PCYOX1: variants seen among roughly 807,000 people sequenced by gnomAD.
PCYOX1 encodes the protein prenylcysteine lyase.
A neutral mutation model predicts 46.4 loss-of-function variants in PCYOX1; 46 were observed. That is an observed-to-expected ratio of 0.99 (90% CI 0.78 to 1.27). The LOEUF (loss-of-function observed/expected upper bound fraction) is 1.27. PCYOX1 is among the 50% of genes most tolerant of loss of function. The pLI is 0.00. For missense variants in PCYOX1, 658 were observed against 628.3 expected (o/e 1.05, Z -0.51); for synonymous variants, 220 against 231.8 (o/e 0.95, Z 0.46).
chr2:70,261,927 C>T (rs1696446194), intron 3 of PCYOX1, among the ~76,000 whole-genome samples: 1 of 152,128 alleles, frequency 6.6e-6, no homozygotes, highest in Admixed American at 6.6e-5. Context: ...GAACCAGCAG[C>T]CTGAAGTAGA....
At chr2:70,261,174 AGAC>A in intron 2 of PCYOX1, 35 bp from the exon 3 acceptor site, 1 of 1,455,406 alleles carries the variant, frequency 6.9e-7, no homozygotes, top group Non-Finnish European at 9.6e-7. Context: ...TGATCAGCAT[AGAC>A]ACCACTGACT....
At chr2:70,260,999 T>TA (rs1412269576) in intron 2 of PCYOX1, among the ~76,000 whole-genome samples, 1 of 152,228 alleles carries the variant, frequency 6.6e-6, no homozygotes, top group Non-Finnish European at 1.5e-5. Context: ...CTACTTTTGA[T>TA]ATATTAATAT....
In PCYOX1 at chr2:70,277,184, C is replaced by G; in HGVS notation, c.1310C>G (p.Pro437Arg). Residue 437 changes from proline (P) to arginine (R), a missense_variant, in exon 6 of 6, where the codon CCT becomes CGT. Coordinates refer to ENST00000433351, the MANE Select transcript of PCYOX1 (RefSeq NM_016297.4). The stretch of plus-strand genomic sequence containing the variant: ...GTGAAGAAGCCATGGCTTGCATATC[C>G]TCACTATAAGCCCCCGGAGAAATGC... ...YAVKKPWLAY[P>R]HYKPPEKCPS... The G allele has an allele frequency of 5.6e-6, 9 of 1,613,980 alleles. No individual in the cohort carries two copies. The highest frequency in any genetic ancestry group is 7.6e-6 in the Non-Finnish European group (9 of 1,179,882).
intron 1 of PCYOX1, 68 bp downstream of exon 1, chr2:70,258,344 T>C (rs1696378855): frequency 2.0e-6 from 2 of 1,016,970 alleles, no homozygotes. Context: ...CGCTGCGCAG[T>C]GCGCCCAGAT....
intron 3 of PCYOX1, among the ~76,000 whole-genome samples, chr2:70,264,218 G>A (rs1051141817): frequency 1.3e-5 from 2 of 151,830 alleles, no homozygotes; most frequent in East Asian, 1.9e-4. Flanking sequence ...ACTCACCTGG[G>A]CCTCCCAAAG....
intron 5 of PCYOX1, among the ~76,000 whole-genome samples, chr2:70,276,277 C>A (rs975469950): frequency 2.0e-5 from 3 of 151,758 alleles, no homozygotes; most frequent in Non-Finnish European, 4.4e-5. Context: ...TCACGCCATT[C>A]TCCTGCCTCA....
chr2:70,265,274 C>T (rs1228235038), intron 3 of PCYOX1, among the ~76,000 whole-genome samples: 1 of 147,736 alleles, frequency 6.8e-6, no homozygotes, highest in African/African-American at 2.5e-5. Flanking sequence ...GCAATCACAG[C>T]TCACTGCAGC....
At position 70,261,249 on chromosome 2, in the gene PCYOX1, G is replaced by GAT; in HGVS notation, c.363_364dup (p.Asn122IlefsTer15). 1 of 1,612,004 alleles carries GAT rather than the reference G, an allele frequency of 6.2e-7. No homozygotes were observed. Among genetic ancestry groups the GAT allele is most frequent in the East Asian group, 2.2e-5 (1 of 44,880 alleles). ...TTCAGGCCTCTGGTGGCCTACTGGG[G>GAT]ATATATAATGGAGAGACTCTGGTAT... On this transcript the variant is annotated frameshift_variant, in exon 3 of 6. Transcript: ENST00000433351. LOFTEE classifies it high-confidence loss of function.
chr2:70,275,454 TGGGTAGAGAGCC>T lies in PCYOX1; in HGVS notation c.707-59_707-48del, dbSNP rs1696657147. 7 of 1,523,738 alleles carry T rather than the reference TGGGTAGAGAGCC, an allele frequency of 4.6e-6. No individual in the cohort carries two copies. In the South Asian group the frequency reaches 8.0e-5, roughly 17 times the overall value. The allele number at this position is 1,523,738 out of a possible 1,614,324, so 94.4% of individuals were successfully genotyped here. A position where few individuals can be genotyped will look rare whatever the true frequency, so the allele number is the denominator to read the frequency against. On this transcript the variant is annotated intron_variant, in intron 4 of 5. Transcript: ENST00000433351. ...AGAACATGTAATTGGGAAGGGAGAG[TGGGTAGAGAGCC>T]TCTTACAAAAAGTCAGAATTAAAAC...
chr2:70,273,048 C>T (rs1696622747), intron 3 of PCYOX1, among the ~76,000 whole-genome samples: 2 of 152,144 alleles, frequency 1.3e-5, no homozygotes, highest in Admixed American at 1.3e-4. Flanking sequence ...TTAGAGTGCT[C>T]TCTGTTTATA....
rs757347223 is a variant in PCYOX1, at chr2:70,276,856, A to G, written c.982A>G (p.Asn328Asp). ...AAAAATGTCGAATATTACTTTTCTC[A>G]ACTTTGATCCTCCAATTGAGGAATT... ...NRKMSNITFL[N>D]FDPPIEEFHQ... is the part of the protein sequence containing the mutation. Residue 328 changes from asparagine to aspartate, a missense_variant, in exon 6 of 6, where the codon AAC (asparagine) becomes GAC (aspartate). Physicochemically the swap from Asn to Asp is conservative, Grantham distance 23 (BLOSUM62 1). Transcript: ENST00000433351. 28 of 1,613,624 alleles carry G rather than the reference A, an allele frequency of 1.7e-5. No individual in the cohort carries two copies. The South Asian group carries it at 2.9e-4, about 16-fold the overall frequency.
At chr2:70,270,596 A>T (rs943184584) in intron 3 of PCYOX1, among the ~76,000 whole-genome samples, 1 of 152,122 alleles carries the variant, frequency 6.6e-6, no homozygotes, top group African/African-American at 2.4e-5. Flanking sequence ...CCTCTACCGG[A>T]AATATTTTCC....
chr2:70,267,726 C>A (rs1391805679), intron 3 of PCYOX1, among the ~76,000 whole-genome samples: 1 of 148,450 alleles, frequency 6.7e-6, no homozygotes, highest in Non-Finnish European at 1.5e-5. Context: ...TGCAGTGAGT[C>A]GAGATGGCAG....
chr2:70,278,246 C>T lies in PCYOX1; in HGVS notation c.*854C>T, dbSNP rs1020977794. 2 of 152,596 alleles carry T rather than the reference C, an allele frequency of 1.3e-5. No homozygotes were observed. Among genetic ancestry groups the T allele is most frequent in the Non-Finnish European group, 2.9e-5 (2 of 68,036 alleles). 9.5% of individuals were successfully genotyped at this position (152,596 alleles called of 1,614,324 possible). A position where few individuals can be genotyped will look rare whatever the true frequency, so the allele number is the denominator to read the frequency against. Reference sequence around the variant, plus strand: ...GAGCTTTTAAAAATACTGAGACCCCCCCATAACCAGAGATTCAGATTCAAA... The same window carrying T: ...GAGCTTTTAAAAATACTGAGACCCCTCCATAACCAGAGATTCAGATTCAAA... On this transcript the variant is annotated 3_prime_UTR_variant, in exon 6 of 6. Coordinates refer to ENST00000433351, the MANE Select transcript of PCYOX1 (RefSeq NM_016297.4).
intron 3 of PCYOX1, among the ~76,000 whole-genome samples, chr2:70,273,420 ATAC>A (rs1282704953): frequency 6.6e-6 from 1 of 152,166 alleles, no homozygotes; most frequent in Non-Finnish European, 1.5e-5. Flanking sequence ...TTGTACACTT[ATAC>A]TACTACTATG....
chr2:70,268,977 C>G (rs991211230), intron 3 of PCYOX1, among the ~76,000 whole-genome samples: 1 of 151,982 alleles, frequency 6.6e-6, no homozygotes, highest in Non-Finnish European at 1.5e-5. Context: ...TTTAAGCCAT[C>G]CAGTCTTTGG....
At chr2:70,274,269 C>G (rs1424174161) in intron 3 of PCYOX1, among the ~76,000 whole-genome samples, 3 of 144,068 alleles carry the variant, frequency 2.1e-5, no homozygotes, top group Non-Finnish European at 4.5e-5. Flanking sequence ...GTGATCTCGG[C>G]TCACTGCAAC....
In PCYOX1 at chr2:70,275,014, C is replaced by T; in HGVS notation, c.550C>T (p.His184Tyr). The T allele has an allele frequency of 6.2e-7, 1 of 1,613,512 alleles. No individual in the cohort carries two copies. The highest frequency in any genetic ancestry group is 8.5e-7 in the Non-Finnish European group (1 of 1,179,376). Residue 184 changes from histidine (H) to tyrosine (Y), a missense_variant, in exon 4 of 6, where the codon CAT becomes TAT. Transcript: ENST00000433351. Reference sequence around the variant, plus strand: ...CTTCAGTAGTGTCGAAAAATTACTTCATGCTCTAGGAGGAGATGACTTCCT... The same window carrying T: ...CTTCAGTAGTGTCGAAAAATTACTTTATGCTCTAGGAGGAGATGACTTCCT... ...YAFSSVEKLL[H>Y]ALGGDDFLGM...
chr2:70,262,357 G>A (rs1463247428), intron 3 of PCYOX1, among the ~76,000 whole-genome samples: 1 of 151,588 alleles, frequency 6.6e-6, no homozygotes, highest in Non-Finnish European at 1.5e-5. Flanking sequence ...GTAGAGATGG[G>A]GTTTCACCCT....
Sources: allele counts gnomAD v4.1 joint callset (sites outside exome capture counted in the v4.1 genomes callset), GRCh38; gene constraint gnomAD v4.1.1; transcripts MANE v1.5; gene names NCBI Gene and HGNC (gene_info 2026-07-23, HGNC 2026-07-21).